The following ACOT11 variants were observed in gnomAD, a reference collection of about 807,000 sequenced individuals.
ACOT11 encodes acyl-CoA thioesterase 11, also known as acyl-coenzyme A thioesterase 11.
Under a neutral mutation model 77.5 loss-of-function variants are expected in ACOT11, and 69 were observed. That is an observed-to-expected ratio of 0.89 (90% CI 0.73 to 1.09). The LOEUF (loss-of-function observed/expected upper bound fraction) is 1.09. Among genes scored for constraint, ACOT11 ranks in the 50% least tolerant of loss-of-function variants. The pLI is 0.00. For synonymous variants in ACOT11, 279 were observed against 313.0 expected (o/e 0.89, Z 1.15); for missense variants, 766 against 813.7 (o/e 0.94, Z 0.71).
downstream of ACOT11, among the ~76,000 whole-genome samples, chr1:54,611,996 A>G (rs371721121): frequency 6.7e-6 from 1 of 149,064 alleles, no homozygotes; most frequent in African/African-American, 2.5e-5. Flanking sequence ...TGCAGTGTCT[A>G]TTTCTGAGTC....
intron 15 of ACOT11, among the ~76,000 whole-genome samples, chr1:54,618,113 G>A (rs1644193934): frequency 6.6e-6 from 1 of 151,986 alleles, no homozygotes; most frequent in African/African-American, 2.4e-5. Context: ...GCTTTAATTT[G>A]TTTTGTCCTC....
At chr1:54,608,122 A>C (rs997612923) in intron 15 of ACOT11, 54 bp downstream of exon 15, 26 of 1,563,308 alleles carry the variant, frequency 1.7e-5, no homozygotes, top group Non-Finnish European at 1.9e-5. Flanking sequence ...CCAACACCAC[A>C]CGTGTATTGA....
At chr1:54,615,181 C>G (rs1644159919), downstream of ACOT11, among the ~76,000 whole-genome samples, 1 of 152,126 alleles carries the variant, frequency 6.6e-6, no homozygotes, top group African/African-American at 2.4e-5. Flanking sequence ...CCTGTGGTTC[C>G]TGAGCAGGGC....
At chr1:54,558,952 G>C (rs1021790188) in intron 1 of ACOT11, among the ~76,000 whole-genome samples, 1 of 152,166 alleles carries the variant, frequency 6.6e-6, no homozygotes, top group East Asian at 1.9e-4. Flanking sequence ...CATCATCATG[G>C]TTCCCCTTCT....
intron 1 of ACOT11, among the ~76,000 whole-genome samples, chr1:54,559,793 A>T (rs2100943662): frequency 6.6e-6 from 1 of 152,208 alleles, no homozygotes; most frequent in East Asian, 1.9e-4. Flanking sequence ...AGGCTCTGGT[A>T]TGAAGCCACT....
intron 16 of ACOT11, among the ~76,000 whole-genome samples, chr1:54,634,049 G>A (rs945591218): frequency 8.5e-5 from 13 of 152,078 alleles, no homozygotes; most frequent in South Asian, 4.2e-4. Flanking sequence ...AGATCAAATC[G>A]CTACTATGAT....
At chr1:54,611,949 C>T (rs997128192), downstream of ACOT11, among the ~76,000 whole-genome samples, 7 of 151,988 alleles carry the variant, frequency 4.6e-5, no homozygotes, top group Non-Finnish European at 1.0e-4. Flanking sequence ...AAAGCAGAGG[C>T]CCAGGAGGGA....
intron 1 of ACOT11, among the ~76,000 whole-genome samples, chr1:54,580,487 G>C (rs1417816892): frequency 2.6e-5 from 4 of 152,066 alleles, no homozygotes; most frequent in Non-Finnish European, 5.9e-5. Context: ...GCTCTCATTT[G>C]CCCCAGTGTT....
At chr1:54,614,936 G>A (rs1644156074), downstream of ACOT11, 1 of 1,357,918 alleles carries the variant, frequency 7.4e-7, no homozygotes, top group South Asian at 1.3e-5. Flanking sequence ...AGAAAGCAGA[G>A]CGGGTGTGTG....
chr1:54,560,967 C>T (rs1456666197), intron 1 of ACOT11, among the ~76,000 whole-genome samples: 1 of 152,004 alleles, frequency 6.6e-6, no homozygotes. Flanking sequence ...AGGCAATCTG[C>T]CCACCTCGGC....
At position 54,584,036 on chromosome 1, in the gene ACOT11, C is replaced by G. The variant is rs900409239; in HGVS notation, c.34-619C>G. Among the ~76,000 whole-genome samples, 2 of 152,144 alleles carry G rather than the reference C, an allele frequency of 1.3e-5. No individual in the cohort carries two copies. Among genetic ancestry groups the G allele is most frequent in the African/African-American group, 4.8e-5 (2 of 41,420 alleles). ...TTGGAGAATTTTCTCAGCCAGTTTT[C>G]CAGCTGGCAGCTGTTGTACCCAGCC... is the stretch of plus-strand genomic sequence containing the variant. On this transcript the variant is annotated intron_variant, in intron 1 of 15. Coordinates refer to ENST00000343744, the MANE Select transcript of ACOT11 (RefSeq NM_147161.4). This position sits in a 1 kb window ranked among gnomAD's most constrained non-coding sequence, Gnocchi z 6.3.
chr1:54,608,305 G>T (rs928397682), intron 15 of ACOT11, among the ~76,000 whole-genome samples: 6 of 152,190 alleles, frequency 3.9e-5, no homozygotes, highest in African/African-American at 1.4e-4. Context: ...AAGGCAGAAG[G>T]CCTGGGTTCT....
chr1:54,615,023 A>G (rs898912719), downstream of ACOT11, among the ~76,000 whole-genome samples: 67 of 152,134 alleles, frequency 4.4e-4, 1 homozygote, highest in Middle Eastern at 3.4e-3. Flanking sequence ...GGGTGTGAGG[A>G]AGGCCTTTCG....
chr1:54,562,496 AC>A (rs758350266), intron 1 of ACOT11, among the ~76,000 whole-genome samples: 9,155 of 43,950 alleles, frequency 0.21, 1,027 homozygotes, highest in Non-Finnish European at 0.27. Context: ...CGGGGGGCTG[AC>A]CCCCCCACCT....
At chr1:54,625,065 G>T (rs1035825694) in intron 15 of ACOT11, among the ~76,000 whole-genome samples, 6 of 143,156 alleles carry the variant, frequency 4.2e-5, no homozygotes, top group Non-Finnish European at 9.4e-5. Context: ...CAAGCTGTGG[G>T]CTGCTAGATG....
intron 1 of ACOT11, among the ~76,000 whole-genome samples, chr1:54,557,340 C>T (rs375266246): frequency 2.2e-4 from 32 of 146,618 alleles, no homozygotes; most frequent in African/African-American, 6.8e-4. Flanking sequence ...TGCAGTGAGC[C>T]GAGATCATGC....
At chr1:54,597,707 C>G (rs1052008629) in intron 7 of ACOT11, 167 of 429,034 alleles carry the variant, frequency 3.9e-4, no homozygotes, top group Non-Finnish European at 9.7e-5. Context: ...TCACATCAAG[C>G]CTTCTAGTAT....
intron 3 of ACOT11, 106 bp downstream of exon 3, chr1:54,586,010 G>A: frequency 2.6e-6 from 3 of 1,166,292 alleles, no homozygotes; most frequent in Admixed American, 4.6e-5. Context: ...CCTAGAGCCT[G>A]ACTCAACTGA....
intron 1 of ACOT11, among the ~76,000 whole-genome samples, chr1:54,565,149 C>G (rs1653690857): frequency 6.6e-6 from 1 of 152,154 alleles, no homozygotes; most frequent in African/African-American, 2.4e-5. Context: ...AGCTTCCAGG[C>G]AGCAAGGCAA....
Sources: allele counts gnomAD v4.1 joint callset (sites outside exome capture counted in the v4.1 genomes callset), GRCh38; gene constraint gnomAD v4.1.1; non-coding constraint Gnocchi (gnomAD v3.1); transcripts MANE v1.5; gene names NCBI Gene and HGNC (gene_info 2026-07-23, HGNC 2026-07-21).